Variants in SPON1 observed in about 807,000 individuals in gnomAD.
The protein encoded by SPON1 is spondin-1.
A neutral mutation model predicts 111.7 loss-of-function variants in SPON1; 52 were observed. That is an observed-to-expected ratio of 0.47 (90% CI 0.37 to 0.59). The LOEUF is 0.59. SPON1 is among the 20% of genes least tolerant of loss of function. SPON1 has a pLI of 0.00. For missense variants in SPON1, 957 were observed against 1,068.5 expected (o/e 0.90, Z 1.46); for synonymous variants, 410 against 395.8 (o/e 1.04, Z -0.43).
At chr11:14,002,723 C>G (rs901797422) in intron 2 of SPON1, among the ~76,000 whole-genome samples, 1 of 152,108 alleles carries the variant, frequency 6.6e-6, no homozygotes, top group African/African-American at 2.4e-5. Context: ...TTTCCCAGAA[C>G]TGGAAAACCC....
At chr11:14,000,827 A>G (rs1848311792) in intron 2 of SPON1, among the ~76,000 whole-genome samples, 1 of 152,132 alleles carries the variant, frequency 6.6e-6, no homozygotes, top group African/African-American at 2.4e-5. Flanking sequence ...TCCCAATTTT[A>G]CCATTTTAGT....
At chr11:14,148,923 C>T (rs1847756028) in intron 6 of SPON1, among the ~76,000 whole-genome samples, 1 of 152,190 alleles carries the variant, frequency 6.6e-6, no homozygotes, top group Non-Finnish European at 1.5e-5. Context: ...ATGCATCAAA[C>T]ACCATACAGT....
chr11:14,137,476 C>A (rs1168596259), intron 6 of SPON1, among the ~76,000 whole-genome samples: 1 of 152,124 alleles, frequency 6.6e-6, no homozygotes, highest in Non-Finnish European at 1.5e-5. Context: ...ACCTTTCAGG[C>A]CCCCTGGGTG....
intron 6 of SPON1, among the ~76,000 whole-genome samples, chr11:14,204,217 C>G (rs1306121597): frequency 4.6e-5 from 7 of 152,342 alleles, no homozygotes; most frequent in African/African-American, 1.7e-4. Context: ...AGGAAGGGTA[C>G]AGCTCTTGGG....
intron 3 of SPON1, among the ~76,000 whole-genome samples, chr11:14,054,731 G>A (rs908461087): frequency 3.3e-5 from 5 of 152,154 alleles, no homozygotes; most frequent in Non-Finnish European, 7.3e-5. Context: ...CCAGATGAAA[G>A]CCACAGGCTG....
chr11:14,225,859 A>T (rs538569600), intron 6 of SPON1, among the ~76,000 whole-genome samples: 66 of 152,368 alleles, frequency 4.3e-4, no homozygotes, highest in South Asian at 4.1e-4. Flanking sequence ...GGGGTCTAAC[A>T]GCTGAGATTT....
At chr11:14,173,026 T>G (rs1255239126) in intron 6 of SPON1, among the ~76,000 whole-genome samples, 28 of 151,878 alleles carry the variant, frequency 1.8e-4, no homozygotes, top group Admixed American at 5.9e-4. Context: ...TTTCCTGAAT[T>G]TGAATGTTGG....
chr11:14,059,848 GT>G (rs2133822574), intron 3 of SPON1, among the ~76,000 whole-genome samples: 1 of 152,232 alleles, frequency 6.6e-6, no homozygotes, highest in East Asian at 1.9e-4. Context: ...CACCTGCCTG[GT>G]GATCAATACA....
In SPON1 at chr11:14,235,147, G is replaced by C. The variant is rs1428542027; in HGVS notation, c.826-8185G>C. ...CTCCAGCGCCTCCAGCTGACACCCA[G>C]GTCGATGAGTGTCACTTCACACTGC... is the stretch of plus-strand genomic sequence containing the variant. On this transcript the variant is annotated intron_variant, in intron 6 of 15. Transcript: ENST00000576479. 2.0e-5 allele frequency among the ~76,000 whole-genome samples: 3 copies of C among 152,164 alleles called. No homozygotes were observed. The East Asian group carries it at 5.8e-4, about 29-fold the overall frequency.
rs146366078 is a variant in SPON1, at chr11:14,188,593, G to A, written c.825+53025G>A. Among the ~76,000 whole-genome samples, 5 of 152,152 alleles carry A rather than the reference G, an allele frequency of 3.3e-5. No individual in the cohort carries two copies. The East Asian group carries it at 7.7e-4, about 23-fold the overall frequency. On this transcript the variant is annotated intron_variant, in intron 6 of 15. Coordinates refer to ENST00000576479, the MANE Select transcript of SPON1 (RefSeq NM_006108.4). ...ATAAGCTCATAGCTTCATAACTCTC[G>A]GGGACCCAGGATGTATCTCAGGTGT...
At chr11:14,099,457 A>G (rs1345616450) in intron 5 of SPON1, among the ~76,000 whole-genome samples, 1 of 152,038 alleles carries the variant, frequency 6.6e-6, no homozygotes, top group Admixed American at 6.5e-5. Flanking sequence ...GTTTTTATTA[A>G]TAATAAATGC....
chr11:13,969,924 A>T (rs1172768764), intron 1 of SPON1, among the ~76,000 whole-genome samples: 2 of 152,210 alleles, frequency 1.3e-5, no homozygotes, highest in African/African-American at 4.8e-5. Context: ...CAAGTACAAA[A>T]TCTTCATCAT....
chr11:14,147,030 T>C (rs1847727857), intron 6 of SPON1, among the ~76,000 whole-genome samples: 1 of 124,910 alleles, frequency 8.0e-6, no homozygotes, highest in Non-Finnish European at 1.7e-5. Context: ...TTTTTTTTTT[T>C]TTTTTTTTTT....
intron 2 of SPON1, among the ~76,000 whole-genome samples, chr11:14,001,341 A>G (rs1848315921): frequency 6.6e-6 from 1 of 152,178 alleles, no homozygotes; most frequent in Non-Finnish European, 1.5e-5. Flanking sequence ...CACGGTGAAA[A>G]TCAGAGAAAT....
intron 6 of SPON1, among the ~76,000 whole-genome samples, chr11:14,160,879 TTATATATTTA>T (rs1371566026): frequency 0.028 from 650 of 23,262 alleles, 84 homozygotes; most frequent in African/African-American, 0.094. Flanking sequence ...TTTTATATTT[TTATATATTTA>T]TATATATTTA....
At chr11:14,175,190 A>G (rs551507263) in intron 6 of SPON1, among the ~76,000 whole-genome samples, 83 of 152,198 alleles carry the variant, frequency 5.5e-4, no homozygotes, top group Non-Finnish European at 1.0e-3. Context: ...AGCAGTTTCT[A>G]TTGCTTTTCC....
chr11:13,997,178 G>A (rs781792200), intron 2 of SPON1, among the ~76,000 whole-genome samples: 2 of 152,182 alleles, frequency 1.3e-5, no homozygotes, highest in African/African-American at 2.4e-5. Flanking sequence ...AGCCGTTTGG[G>A]TTTTGACAGT....
intron 1 of SPON1, among the ~76,000 whole-genome samples, chr11:13,976,305 A>G (rs191667753): frequency 1.2e-4 from 19 of 152,288 alleles, no homozygotes; most frequent in Admixed American, 1.2e-3. Flanking sequence ...AGGAGTCATT[A>G]GAGAGAAGAT....
At chr11:14,116,948 G>A (rs1554926040) in intron 5 of SPON1, among the ~76,000 whole-genome samples, 1 of 151,990 alleles carries the variant, frequency 6.6e-6, no homozygotes, top group African/African-American at 2.4e-5. Flanking sequence ...ATTTATTCCT[G>A]GGTATTATAT....
Sources: gnomAD v4.1 joint callset for allele counts (sites outside exome capture counted in the v4.1 genomes callset) on GRCh38, gnomAD v4.1.1 for gene constraint, MANE v1.5 for transcripts, NCBI Gene and HGNC (gene_info 2026-07-23, HGNC 2026-07-21) for gene names.